The following ASAP1 variants were observed in gnomAD, a reference collection of about 807,000 sequenced individuals.
ASAP1 encodes the protein arf-GAP with SH3 domain, ANK repeat and PH domain-containing protein 1.
In ASAP1, 43 loss-of-function variants were observed where a neutral mutation model predicts 145.2. That is an observed-to-expected ratio of 0.30 (90% CI 0.23 to 0.38). The LOEUF (loss-of-function observed/expected upper bound fraction) is 0.38. Among genes scored for constraint, ASAP1 ranks in the 10% least tolerant of loss-of-function variants. ASAP1 has a pLI of 1.00. For synonymous variants in ASAP1, 546 were observed against 515.5 expected (o/e 1.06, Z -0.80); for missense variants, 1,018 against 1,355.3 (o/e 0.75, Z 3.91).
At chr8:130,312,220 T>C (rs1468873860) in intron 3 of ASAP1, among the ~76,000 whole-genome samples, 1 of 150,756 alleles carries the variant, frequency 6.6e-6, no homozygotes, top group Non-Finnish European at 1.5e-5. Context: ...GACGCTGTAG[T>C]GAGCTGTGAT....
chr8:130,390,183 T>C (rs114200154), intron 2 of ASAP1, among the ~76,000 whole-genome samples: 5,246 of 152,302 alleles, frequency 0.034, 126 homozygotes, highest in Middle Eastern at 0.065. Flanking sequence ...CCTCTCTGTC[T>C]CACACAGTAG....
intron 3 of ASAP1, among the ~76,000 whole-genome samples, chr8:130,324,040 C>T (rs1824179080): frequency 6.6e-6 from 1 of 152,214 alleles, no homozygotes. Context: ...ATTGGGCCAC[C>T]CCTCTCCTTC....
At chr8:130,442,314 C>A (rs987558114) in intron 1 of ASAP1, among the ~76,000 whole-genome samples, 26 of 152,240 alleles carry the variant, frequency 1.7e-4, no homozygotes, top group African/African-American at 5.3e-4. Flanking sequence ...TGATCTTGGG[C>A]AAGTCAGGTC....
At chr8:130,443,136 A>C (rs1246203124) in intron 1 of ASAP1, among the ~76,000 whole-genome samples, 1 of 151,050 alleles carries the variant, frequency 6.6e-6, no homozygotes, top group Non-Finnish European at 1.5e-5. Flanking sequence ...CCGGAGGGGG[A>C]CGCGAAACCC....
chr8:130,202,138 A>G (rs1224453800), intron 5 of ASAP1, among the ~76,000 whole-genome samples: 1 of 151,902 alleles, frequency 6.6e-6, no homozygotes, highest in East Asian at 1.9e-4. Context: ...ATTTCACTTA[A>G]TCCTCATTAA....
At chr8:130,328,015 A>C (rs1824447028) in intron 3 of ASAP1, among the ~76,000 whole-genome samples, 1 of 151,302 alleles carries the variant, frequency 6.6e-6, no homozygotes, top group Non-Finnish European at 1.5e-5. Flanking sequence ...CCACTTTTGC[A>C]AAAGAAAAAT....
intron 27 of ASAP1, among the ~76,000 whole-genome samples, chr8:130,072,793 ATGTGTGTGTG>A (rs1206526066): frequency 2.9e-5 from 3 of 102,660 alleles, no homozygotes; most frequent in African/African-American, 1.1e-4. Flanking sequence ...TGCAATTGAT[ATGTGTGTGTG>A]TGTGTGTGTG....
At chr8:130,080,461 C>T (rs1333868800) in intron 25 of ASAP1, among the ~76,000 whole-genome samples, 5 of 146,510 alleles carry the variant, frequency 3.4e-5, no homozygotes, top group South Asian at 2.2e-4. Flanking sequence ...CTTACTGACT[C>T]GTCATTCATT....
chr8:130,057,054 T>C (rs1361673281), intron 29 of ASAP1, among the ~76,000 whole-genome samples: 2 of 152,190 alleles, frequency 1.3e-5, no homozygotes, highest in African/African-American at 4.8e-5. Context: ...TAAAAGGAGT[T>C]TTCATAGATA....
intron 3 of ASAP1, among the ~76,000 whole-genome samples, chr8:130,257,864 T>C (rs1015688552): frequency 6.8e-6 from 1 of 147,580 alleles, no homozygotes; most frequent in African/African-American, 2.5e-5. Context: ...TTATATGCAC[T>C]TGAACCACAA....
At chr8:130,273,404 G>T (rs1412515361) in intron 3 of ASAP1, among the ~76,000 whole-genome samples, 1 of 152,156 alleles carries the variant, frequency 6.6e-6, no homozygotes, top group Admixed American at 6.5e-5. Context: ...TGCAGAAGGG[G>T]AAAGTAAGGA....
At chr8:130,073,402 A>C (rs1038210237) in intron 27 of ASAP1, among the ~76,000 whole-genome samples, 2 of 151,956 alleles carry the variant, frequency 1.3e-5, no homozygotes, top group African/African-American at 2.4e-5. Flanking sequence ...AAAAAAAAAA[A>C]AAACAAATAC....
intron 27 of ASAP1, among the ~76,000 whole-genome samples, chr8:130,062,898 C>A (rs776392630): frequency 1.1e-4 from 16 of 152,064 alleles, no homozygotes; most frequent in Admixed American, 7.9e-4. Context: ...TGCTTGAGCC[C>A]AGGGTCCAAG....
chr8:130,301,366 C>T (rs2137427108), intron 3 of ASAP1, among the ~76,000 whole-genome samples: 1 of 152,276 alleles, frequency 6.6e-6, no homozygotes, highest in South Asian at 2.1e-4. Flanking sequence ...GACTCTAATC[C>T]ACATACACTG....
intron 12 of ASAP1, 112 bp downstream of exon 12, chr8:130,159,752 A>G: frequency 2.5e-6 from 2 of 803,086 alleles, no homozygotes; most frequent in East Asian, 4.9e-5. Flanking sequence ...AGTGTGCTAA[A>G]GGTCTGCAGC....
chr8:130,128,401 T>C (rs774813155), intron 15 of ASAP1, among the ~76,000 whole-genome samples: 11 of 151,922 alleles, frequency 7.2e-5, no homozygotes, highest in Admixed American at 1.3e-4. Flanking sequence ...TGCATTTCCG[T>C]GTGGGCATAC....
intron 3 of ASAP1, among the ~76,000 whole-genome samples, chr8:130,344,919 G>GT (rs1308258534): frequency 3.9e-5 from 6 of 152,108 alleles, no homozygotes; most frequent in African/African-American, 1.4e-4. Flanking sequence ...AAACCCGTAT[G>GT]TTTTAGTCCT....
chr8:130,311,117 T>C (rs986428578), intron 3 of ASAP1, among the ~76,000 whole-genome samples: 5 of 152,128 alleles, frequency 3.3e-5, no homozygotes, highest in African/African-American at 9.7e-5. Context: ...AAGGAACAAA[T>C]TGCAGGCCTG....
intron 1 of ASAP1, among the ~76,000 whole-genome samples, chr8:130,442,737 A>T (rs1291414710): frequency 2.0e-5 from 3 of 152,108 alleles, no homozygotes; most frequent in African/African-American, 7.2e-5. Context: ...TATTAAAGGA[A>T]ACTGCTTTAG....
Sources: gnomAD v4.1 joint callset for allele counts (sites outside exome capture counted in the v4.1 genomes callset) on GRCh38, gnomAD v4.1.1 for gene constraint, MANE v1.5 for transcripts, NCBI Gene and HGNC (gene_info 2026-07-23, HGNC 2026-07-21) for gene names.